CREG2: variants seen among roughly 807,000 people sequenced by gnomAD.
The protein encoded by CREG2 is protein CREG2.
In CREG2, 24 loss-of-function variants were observed where a neutral mutation model predicts 26.2. The ratio of observed to expected loss-of-function variants is 0.92; its 90% CI spans 0.66 to 1.29. CREG2 has a LOEUF of 1.29. Among genes scored for constraint, CREG2 ranks in the 50% most tolerant of loss-of-function variants. CREG2 has a pLI of 0.00. For synonymous variants in CREG2, 174 were observed against 169.2 expected (o/e 1.03, Z -0.22); for missense variants, 366 against 398.6 (o/e 0.92, Z 0.70).
intron 2 of CREG2, among the ~76,000 whole-genome samples, chr2:101,366,672 A>G (rs1266702292): frequency 6.6e-6 from 1 of 152,112 alleles, no homozygotes; most frequent in South Asian, 2.1e-4. Flanking sequence ...AAATACAAAA[A>G]TTAGCCAGGT....
chr2:101,387,419 C>T lies in CREG2; in HGVS notation c.39G>A (p.Gly13=), dbSNP rs1316430082. 7.8e-7 allele frequency: 1 copy of T among 1,276,290 alleles called. No individual in the cohort carries two copies. The highest frequency in any genetic ancestry group is 9.9e-7 in the Non-Finnish European group (1 of 1,007,998). 79.1% of individuals were successfully genotyped at this position (1,276,290 alleles called of 1,614,324 possible). Residue 13 remains glycine, a synonymous_variant, in exon 1 of 4, where the codon GGG becomes GGA. Coordinates refer to ENST00000324768, the MANE Select transcript of CREG2 (RefSeq NM_153836.4). The surrounding 1 kb of genome is among the most constrained non-coding windows in gnomAD (Gnocchi z 4.7). ...AGCACAGCAGCCAGGAGAGGCGGGT[C>T]CCCGGCCGCGCCGGCCGCCGGCCGC... ...VRRGRRPARP[G]TRLSWLLCCS...
chr2:101,350,839 A>C lies in CREG2; in HGVS notation c.*84T>G, dbSNP rs1209614925. Reference sequence around the variant, plus strand: ...GGCTGCTATGAACCCTTCAACAAAGAGACAGTGGTCAATAGCTGTCTGGCT... The same window carrying C: ...GGCTGCTATGAACCCTTCAACAAAGCGACAGTGGTCAATAGCTGTCTGGCT... On this transcript the variant is annotated 3_prime_UTR_variant, in exon 4 of 4. Transcript: ENST00000324768. The C allele has an allele frequency of 5.7e-6, 8 of 1,403,900 alleles. No individual in the cohort carries two copies. The Admixed American group carries it at 1.4e-4, about 25-fold the overall frequency. The allele number at this position is 1,403,900 out of a possible 1,614,324, so 87.0% of individuals were successfully genotyped here.
In CREG2 at chr2:101,355,322, G is replaced by A. The variant is rs763988406; in HGVS notation, c.656C>T (p.Thr219Met). ...DPEDPRCVQL[T>M]LTGQMIAVSP... ...CACTGCGATCATCTGGCCAGTGAGCGTTAACTGGACACATCGGGGATCTTC... is the reference window on the plus strand; with the variant it reads ...CACTGCGATCATCTGGCCAGTGAGCATTAACTGGACACATCGGGGATCTTC... The change falls in exon 3 of 4, where the codon ACG becomes ATG. Residue 219 changes from threonine (T) to methionine (M), a missense_variant. Thr to Met is a moderately conservative substitution (Grantham distance 81). Transcript: ENST00000324768. The A allele has an allele frequency of 1.7e-5, 28 of 1,613,898 alleles. No homozygotes were observed. Among genetic ancestry groups the A allele is most frequent in the African/African-American group, 1.1e-4 (8 of 74,924 alleles).
intron 2 of CREG2, among the ~76,000 whole-genome samples, chr2:101,370,174 C>T (rs1044652296): frequency 6.6e-6 from 1 of 152,196 alleles, no homozygotes; most frequent in African/African-American, 2.4e-5. Flanking sequence ...AAGTGTACCT[C>T]TGTCTTGGGA....
chr2:101,359,071 A>AG lies in CREG2; in HGVS notation c.612-3706_612-3705insC, dbSNP rs1684504270. 1.6e-3 allele frequency among the ~76,000 whole-genome samples: 22 copies of AG among 13,530 alleles called. 9 individuals carry two copies. Among genetic ancestry groups the AG allele is most frequent in the Non-Finnish European group, 1.4e-3 (4 of 2,956 alleles). 8.9% of individuals were successfully genotyped at this position (13,530 alleles called of 152,430 possible). On this transcript the variant is annotated intron_variant, in intron 2 of 3. Coordinates refer to ENST00000324768, the MANE Select transcript of CREG2 (RefSeq NM_153836.4). The stretch of plus-strand genomic sequence containing the variant: ...AAAAAAAAAAAAAAAAAAAAAAAAA[A>AG]AGAGAGAACTGAGGCAAGTTTTAGA...
At chr2:101,362,045 C>A (rs1244853984) in intron 2 of CREG2, among the ~76,000 whole-genome samples, 1 of 152,164 alleles carries the variant, frequency 6.6e-6, no homozygotes, top group African/African-American at 2.4e-5. Context: ...ATTGCCTAAG[C>A]CAACCAGCAT....
intron 2 of CREG2, chr2:101,382,696 A>G: frequency 1.0e-6 from 1 of 985,396 alleles, no homozygotes; most frequent in Non-Finnish European, 1.2e-6. Flanking sequence ...AAGAACTAAT[A>G]CATTGTTTGG....
intron 1 of CREG2, among the ~76,000 whole-genome samples, chr2:101,384,570 T>C (rs952960458): frequency 2.0e-5 from 3 of 152,146 alleles, no homozygotes; most frequent in Non-Finnish European, 2.9e-5. Context: ...AGAGTTCCCC[T>C]GAGAGAAGGT....
intron 2 of CREG2, among the ~76,000 whole-genome samples, chr2:101,377,637 G>A (rs1293545711): frequency 6.6e-6 from 1 of 152,144 alleles, no homozygotes; most frequent in East Asian, 1.9e-4. Context: ...AAAGAGGAGA[G>A]GGCGTTGCTG....
At chr2:101,384,208 T>C (rs1558822913) in intron 1 of CREG2, among the ~76,000 whole-genome samples, 1 of 152,228 alleles carries the variant, frequency 6.6e-6, no homozygotes, top group Non-Finnish European at 1.5e-5. Context: ...TATTGTTTCT[T>C]TTAGGGCTGC....
intron 3 of CREG2, among the ~76,000 whole-genome samples, chr2:101,351,692 C>T (rs1291751612): frequency 1.3e-5 from 2 of 152,088 alleles, no homozygotes; most frequent in South Asian, 4.2e-4. Context: ...ACTTGCCTCT[C>T]CCCGATGCAT....
Position 101,386,749 on chromosome 2 carries a change from C to G in CREG2, c.441+268G>C, listed in dbSNP as rs184585341. Among the ~76,000 whole-genome samples the G allele has an allele frequency of 7.9e-5, 12 of 152,264 alleles. No homozygotes were observed. In the East Asian group the frequency reaches 2.3e-3, roughly 29 times the overall value. ...TTAGGTGTCCCTCTCTCTGCCTGGC[C>G]ACCTCAAGGTGGGGATTCGGTACCC... On this transcript the variant is annotated intron_variant, in intron 1 of 3. Coordinates refer to ENST00000324768, the MANE Select transcript of CREG2 (RefSeq NM_153836.4).
In CREG2 at chr2:101,348,969, A is replaced by G. The variant is rs908363299; in HGVS notation, c.*1954T>C. On this transcript the variant is annotated 3_prime_UTR_variant, in exon 4 of 4. Coordinates refer to ENST00000324768, the MANE Select transcript of CREG2 (RefSeq NM_153836.4). Reference sequence around the variant, plus strand: ...TTCATTTCCTGTAATTTGGATAAATAGCTGATAACATTCATCAGTGGTTAT... The same window carrying G: ...TTCATTTCCTGTAATTTGGATAAATGGCTGATAACATTCATCAGTGGTTAT... 6.6e-6 allele frequency: 1 copy of G among 152,662 alleles called. No homozygotes were observed. Among genetic ancestry groups the G allele is most frequent in the Non-Finnish European group, 1.5e-5 (1 of 68,056 alleles). The allele number at this position is 152,662 out of a possible 1,614,324, so 9.5% of individuals were successfully genotyped here. A position where few individuals can be genotyped will look rare whatever the true frequency, so the allele number is the denominator to read the frequency against.
intron 2 of CREG2, among the ~76,000 whole-genome samples, chr2:101,381,508 C>G (rs577862482): frequency 1.3e-5 from 2 of 152,308 alleles, no homozygotes; most frequent in East Asian, 3.9e-4. Context: ...TGACAAAAGC[C>G]CCATTGCTTG....
rs1684369550 is a variant in CREG2, at chr2:101,350,772, G to A, written c.*151C>T. On this transcript the variant is annotated 3_prime_UTR_variant, in exon 4 of 4. Transcript: ENST00000324768. ...ACTTTAATCTCAAATCTAGCATAGA[G>A]TTCCCTGTTCACCCTCTCTCATTCT... The A allele has an allele frequency of 1.3e-6, 1 of 747,450 alleles. No individual in the cohort carries two copies. The highest frequency in any genetic ancestry group is 2.2e-6 in the Non-Finnish European group (1 of 446,132). The allele number at this position is 747,450 out of a possible 1,614,324, so 46.3% of individuals were successfully genotyped here. A position where few individuals can be genotyped will look rare whatever the true frequency, so the allele number is the denominator to read the frequency against.
intron 2 of CREG2, among the ~76,000 whole-genome samples, chr2:101,378,147 A>G (rs1408833661): frequency 2.0e-5 from 3 of 152,154 alleles, no homozygotes; most frequent in African/African-American, 7.2e-5. Flanking sequence ...GTCCCTGGGA[A>G]CCACCATTCT....
rs777611840 is a variant in CREG2, at chr2:101,387,164, G to A, written c.294C>T (p.Pro98=). The change falls in exon 1 of 4, where the codon CCC becomes CCT. Residue 98 remains proline (P), a synonymous_variant. Transcript: ENST00000324768. This position sits in a 1 kb window ranked among gnomAD's most constrained non-coding sequence, Gnocchi z 4.7. ...GGTAGGAGAACATCCCGGGTGGCGC[G>A]GGGGGCGGCCTGGCCCGGGCGGCGC... is the stretch of plus-strand genomic sequence containing the variant. The part of the protein sequence containing the change: ...RAGAARARPP[P]APPGMFSYRR... 172 of 1,275,590 alleles carry A rather than the reference G, an allele frequency of 1.3e-4. 1 individual carries two copies. The African/African-American group carries it at 2.4e-3, about 18-fold the overall frequency. The allele number at this position is 1,275,590 out of a possible 1,614,324, so 79.0% of individuals were successfully genotyped here.
At chr2:101,368,287 C>CAA (rs11451947) in intron 2 of CREG2, among the ~76,000 whole-genome samples, 27 of 103,346 alleles carry the variant, frequency 2.6e-4, no homozygotes, top group African/African-American at 7.6e-4. Context: ...GACTCCATCT[C>CAA]AAAAAAAAAA....
rs1396579856 is a variant in CREG2 at position 101,348,179 on chromosome 2, T to C, written c.*2744A>G. 6.6e-6 allele frequency: 1 copy of C among 152,256 alleles called. No homozygotes were observed. Among genetic ancestry groups the C allele is most frequent in the Admixed American group, 6.5e-5 (1 of 15,290 alleles). 9.4% of individuals were successfully genotyped at this position (152,256 alleles called of 1,614,324 possible). The stretch of plus-strand genomic sequence containing the variant: ...AATGTGTTTCTATGCCTCCACCAAA[T>C]ACCACACTTCTTGAATACTGTAGCT... On this transcript the variant is annotated 3_prime_UTR_variant, in exon 4 of 4. Transcript: ENST00000324768.
Sources: allele counts gnomAD v4.1 joint callset (sites outside exome capture counted in the v4.1 genomes callset), GRCh38; gene constraint gnomAD v4.1.1; non-coding constraint Gnocchi (gnomAD v3.1); transcripts MANE v1.5; gene names NCBI Gene and HGNC (gene_info 2026-07-23, HGNC 2026-07-21).